The following PRPF31 variants were observed in gnomAD, a reference collection of about 807,000 sequenced individuals.
PRPF31 encodes pre-mRNA processing factor 31, also known as U4/U6 small nuclear ribonucleoprotein Prp31.
PRPF31 carries 12 observed loss-of-function variants against 60.4 expected under a neutral mutation model. That is an observed-to-expected ratio of 0.20 (90% CI 0.13 to 0.32). PRPF31 has a LOEUF of 0.32. Among genes scored for constraint, PRPF31 ranks in the 10% least tolerant of loss-of-function variants. PRPF31 has a pLI of 1.00. For missense variants in PRPF31, 431 were observed against 687.1 expected, an observed-to-expected ratio of 0.63 and a Z score of 4.17; for synonymous variants, 287 against 287.9, an observed-to-expected ratio of 1.00 and a Z score of 0.03.
In PRPF31 at chr19:54,123,738, C is replaced by T. The variant is rs375500803; in HGVS notation, c.528-11C>T. 18 of 1,605,162 alleles carry T rather than the reference C, an allele frequency of 1.1e-5. No individual in the cohort carries two copies. Among genetic ancestry groups the T allele is most frequent in the East Asian group, 4.5e-5 (2 of 44,652 alleles). ...GGAGACCCAGGAGGCTGGGCCCACC[C>T]GCCCCTGCAGGCAGCAGCTGTCGGA... is the stretch of plus-strand genomic sequence containing the variant. On this transcript the variant is annotated splice_polypyrimidine_tract_variant and intron_variant, in intron 6 of 13. Transcript: ENST00000321030.
intron 1 of PRPF31, among the ~76,000 whole-genome samples, chr19:54,117,275 G>T (rs2073670552): frequency 6.6e-6 from 1 of 152,178 alleles, no homozygotes; most frequent in South Asian, 2.1e-4. Context: ...CTGATCAAAT[G>T]CTCGCAGATG....
rs760173899 is a variant in PRPF31 at position 54,118,437 on chromosome 19, G to A, written c.159G>A (p.Lys53=). 1 of 1,614,190 alleles carries A rather than the reference G, an allele frequency of 6.2e-7. No homozygotes were observed. Among genetic ancestry groups the A allele is most frequent in the South Asian group, 1.1e-5 (1 of 91,084 alleles). Residue 53 remains lysine (K), a synonymous_variant, in exon 2 of 14, where the codon AAG becomes AAA. Transcript: ENST00000321030. ...GGGATTCAGTCAAGACCATCGCCAA[G>A]CTATGGGATAGTAAGATGGTAAGAG... The part of the protein sequence containing the change: ...LSGDSVKTIA[K]LWDSKMFAEI...
intron 3 of PRPF31, chr19:54,119,863 G>A (rs1465588243): frequency 6.6e-6 from 1 of 152,202 alleles, no homozygotes; most frequent in Admixed American, 6.5e-5. Context: ...GGAAAGAAGT[G>A]TAGTGAGAGG....
At chr19:54,123,642 A>G in intron 6 of PRPF31, 82 bp downstream of exon 6, 4 of 1,594,532 alleles carry the variant, frequency 2.5e-6, no homozygotes, top group Non-Finnish European at 8.6e-7. Context: ...GTACACACGC[A>G]CACACACATA....
intron 7 of PRPF31, 46 bp from the exon 8 acceptor site, chr19:54,124,453 T>C (rs377582323): frequency 6.6e-7 from 1 of 1,509,460 alleles, no homozygotes; most frequent in South Asian, 1.1e-5. Context: ...CCCACCTCTC[T>C]GCTTTCTTCT....
At chr19:54,123,331 C>A in intron 5 of PRPF31, 123 bp from the exon 6 acceptor site, 1 of 793,960 alleles carries the variant, frequency 1.3e-6, no homozygotes, top group Non-Finnish European at 2.3e-6. Flanking sequence ...GAGAGGCCCC[C>A]AGTGCAGAGA....
chr19:54,121,706 C>T, intron 3 of PRPF31, 154 bp from the exon 4 acceptor site: 1 of 745,210 alleles, frequency 1.3e-6, no homozygotes, highest in Non-Finnish European at 2.4e-6. Flanking sequence ...AACACAAGTT[C>T]AGGGATGTCT....
At chr19:54,122,459 C>T (rs1324236808) in intron 4 of PRPF31, 38 bp from the exon 5 acceptor site, 1 of 1,480,072 alleles carries the variant, frequency 6.8e-7, no homozygotes, top group East Asian at 2.3e-5. Flanking sequence ...AGTCTACCTT[C>T]CATCTCACCC....
At chr19:54,124,746 C>G (rs1424680181) in intron 8 of PRPF31, 90 bp downstream of exon 8, 18 of 1,456,554 alleles carry the variant, frequency 1.2e-5, no homozygotes, top group Admixed American at 1.7e-5. Flanking sequence ...ACCATCTGGC[C>G]CAGCTGACGG....
chr19:54,130,676 T>G (rs2074030346), intron 13 of PRPF31, among the ~76,000 whole-genome samples: 1 of 150,074 alleles, frequency 6.7e-6, no homozygotes, highest in Admixed American at 6.6e-5. Flanking sequence ...AGGTGGAAGG[T>G]AGGAGGTGGG....
intron 3 of PRPF31, among the ~76,000 whole-genome samples, chr19:54,121,061 G>A (rs1029316666): frequency 1.3e-5 from 2 of 152,162 alleles, no homozygotes; most frequent in Non-Finnish European, 2.9e-5. Flanking sequence ...GGTGGTCAAG[G>A]CAGATGGATC....
intron 3 of PRPF31, among the ~76,000 whole-genome samples, chr19:54,121,319 A>C (rs1437173459): frequency 8.3e-6 from 1 of 120,072 alleles, no homozygotes; most frequent in African/African-American, 3.1e-5. Flanking sequence ...AAAAAAAAAA[A>C]GGCTAGGAGG....
chr19:54,127,025 C>T (rs2073938190), intron 9 of PRPF31, among the ~76,000 whole-genome samples: 1 of 152,190 alleles, frequency 6.6e-6, no homozygotes, highest in Non-Finnish European at 1.5e-5. Context: ...GAGGCTGAGG[C>T]AGGAGAATTG....
At chr19:54,120,811 C>A (rs188976138) in intron 3 of PRPF31, among the ~76,000 whole-genome samples, 217 of 151,856 alleles carry the variant, frequency 1.4e-3, no homozygotes, top group African/African-American at 5.0e-3. Flanking sequence ...ATGGGGTCTC[C>A]CTATGTCGCC....
rs587626788 is a variant in PRPF31 at position 54,131,476 on chromosome 19, G to A, written c.*44G>A. ...GGTGGCTTCCCACTGAAGGGACACA[G>A]AGGTCCAGTCCTTCTGAAGGGCTAG... On this transcript the variant is annotated 3_prime_UTR_variant, in exon 14 of 14. Coordinates refer to ENST00000321030, the MANE Select transcript of PRPF31 (RefSeq NM_015629.4). 28 of 1,610,906 alleles carry A rather than the reference G, an allele frequency of 1.7e-5. No individual in the cohort carries two copies. Among genetic ancestry groups the A allele is most frequent in the Non-Finnish European group, 2.3e-5 (27 of 1,178,414 alleles).
rs565157249 is a variant in PRPF31 at position 54,129,313 on chromosome 19, C to A, written c.1317C>A (p.Ser439=). 6.2e-7 allele frequency: 1 copy of A among 1,608,114 alleles called. No homozygotes were observed. The highest frequency in any genetic ancestry group is 1.7e-4 in the Middle Eastern group (1 of 6,052). Reference sequence around the variant, plus strand: ...AGAGCGTCGTATATGGCGGGAAGTCCACCATCCGCGACCGCTCCTCGGGCA... The same window carrying A: ...AGAGCGTCGTATATGGCGGGAAGTCAACCATCCGCGACCGCTCCTCGGGCA... The part of the protein sequence containing the change: ...QKQSVVYGGK[S]TIRDRSSGTA... Residue 439 remains serine (S), a synonymous_variant, in exon 13 of 14, where the codon TCC becomes TCA. Coordinates refer to ENST00000321030, the MANE Select transcript of PRPF31 (RefSeq NM_015629.4).
chr19:54,130,216 G>A (rs903827381), intron 13 of PRPF31, among the ~76,000 whole-genome samples: 21 of 143,474 alleles, frequency 1.5e-4, no homozygotes, highest in African/African-American at 4.8e-4. Context: ...CAGTGTAGGA[G>A]AAGGCAGAAA....
chr19:54,116,500 C>T (rs1248010775), intron 1 of PRPF31, among the ~76,000 whole-genome samples: 1 of 152,224 alleles, frequency 6.6e-6, no homozygotes, highest in African/African-American at 2.4e-5. Context: ...GCCACCGCTC[C>T]CGGCCTTTTA....
At chr19:54,123,222 C>T (rs2073836471) in intron 5 of PRPF31, 6 of 603,360 alleles carry the variant, frequency 9.9e-6, no homozygotes, top group Non-Finnish European at 1.8e-5. Context: ...CCACTCTGCC[C>T]GGGCTCCGTT....
Sources: allele counts gnomAD v4.1 joint callset (sites outside exome capture counted in the v4.1 genomes callset), GRCh38; gene constraint gnomAD v4.1.1; transcripts MANE v1.5; gene names NCBI Gene and HGNC (gene_info 2026-07-23, HGNC 2026-07-21).